Variants in FSTL4 observed in about 807,000 individuals in gnomAD.
FSTL4 encodes follistatin like 4, also known as follistatin-related protein 4.
A neutral mutation model predicts 78.2 loss-of-function variants in FSTL4; 28 were observed. The observed-to-expected ratio is 0.36, with a 90% confidence interval of 0.27 to 0.49. The LOEUF is 0.49. FSTL4 is among the 20% of genes least tolerant of loss of function. The probability of loss-of-function intolerance (pLI) is 0.98; values close to 1 mark genes in which losing one functional copy is unlikely to be tolerated. For missense variants in FSTL4, 922 were observed against 1,084.9 expected (o/e 0.85, Z 2.11); for synonymous variants, 422 against 440.5 (o/e 0.96, Z 0.53).
intron 6 of FSTL4, among the ~76,000 whole-genome samples, chr5:133,251,195 G>A (rs1422456769): frequency 1.3e-5 from 2 of 152,224 alleles, no homozygotes; most frequent in African/African-American, 4.8e-5. Context: ...TTGGAGAGGG[G>A]AAAGAGAGAG....
At chr5:133,536,038 A>G (rs1432480384) in intron 3 of FSTL4, among the ~76,000 whole-genome samples, 1 of 152,218 alleles carries the variant, frequency 6.6e-6, no homozygotes, top group African/African-American at 2.4e-5. Flanking sequence ...CACACACAGT[A>G]GATCCTCTGC....
At chr5:133,750,164 C>A in the FSTL4 span, among the ~76,000 whole-genome samples, 3 of 152,000 alleles carry the variant, frequency 2.0e-5, no homozygotes, top group Admixed American at 2.0e-4. Flanking sequence ...AAAGTGGCAC[C>A]AAGAGAGGAC....
At chr5:133,287,201 AC>A (rs1460735214) in intron 6 of FSTL4, among the ~76,000 whole-genome samples, 1 of 152,038 alleles carries the variant, frequency 6.6e-6, no homozygotes, top group Non-Finnish European at 1.5e-5. Flanking sequence ...ATCCTGGCTA[AC>A]ATGGTGAAAC....
intron 3 of FSTL4, among the ~76,000 whole-genome samples, chr5:133,552,330 TC>T (rs1759703843): frequency 2.0e-5 from 3 of 152,234 alleles, no homozygotes; most frequent in African/African-American, 7.2e-5. Flanking sequence ...CAGAACTGTA[TC>T]TAACACACTT....
At chr5:133,209,979 T>C in intron 14 of FSTL4, 1 of 464,194 alleles carries the variant, frequency 2.2e-6, no homozygotes. Flanking sequence ...TGTTGTGATG[T>C]CAGAATCCTA....
At chr5:133,739,997 A>G in the FSTL4 span, among the ~76,000 whole-genome samples, 1 of 151,968 alleles carries the variant, frequency 6.6e-6, no homozygotes, top group South Asian at 2.1e-4. Flanking sequence ...GGCTCAAGCA[A>G]TCCCACCACC....
At chr5:133,459,761 G>C (rs982705196) in intron 3 of FSTL4, among the ~76,000 whole-genome samples, 1 of 79,702 alleles carries the variant, frequency 1.3e-5, no homozygotes, top group African/African-American at 3.5e-5. Flanking sequence ...CTCAGGCTTT[G>C]GGAAGTGAAA....
the FSTL4 span, among the ~76,000 whole-genome samples, chr5:133,800,908 G>A: frequency 6.6e-6 from 1 of 152,112 alleles, no homozygotes; most frequent in African/African-American, 2.4e-5. Context: ...GGACTGCCTG[G>A]TGGTGGCAGG....
At chr5:133,787,217 C>T in the FSTL4 span, among the ~76,000 whole-genome samples, 11 of 151,522 alleles carry the variant, frequency 7.3e-5, no homozygotes, top group East Asian at 1.9e-4. Context: ...TACTAAAATA[C>T]GGTTCACTAT....
chr5:133,784,809 C>CAT, the FSTL4 span, among the ~76,000 whole-genome samples: 2 of 151,708 alleles, frequency 1.3e-5, no homozygotes, highest in African/African-American at 4.8e-5. Flanking sequence ...GCTAGATATT[C>CAT]ATATGGTCCT....
At chr5:133,519,196 A>C (rs1758924210) in intron 3 of FSTL4, among the ~76,000 whole-genome samples, 1 of 152,200 alleles carries the variant, frequency 6.6e-6, no homozygotes, top group Admixed American at 6.5e-5. Context: ...TGCTCATGGT[A>C]CTTTCCAAAG....
chr5:133,511,403 C>G (rs459934), intron 3 of FSTL4, among the ~76,000 whole-genome samples: 1 of 151,998 alleles, frequency 6.6e-6, no homozygotes, highest in Non-Finnish European at 1.5e-5. Context: ...CTGTCAACCA[C>G]GATCCTTACC....
chr5:133,360,067 A>G (rs1311758376), intron 4 of FSTL4, among the ~76,000 whole-genome samples: 1 of 152,370 alleles, frequency 6.6e-6, no homozygotes, highest in East Asian at 1.9e-4. Flanking sequence ...AAACAGCCCT[A>G]ACAGTGGACC....
the FSTL4 span, among the ~76,000 whole-genome samples, chr5:133,648,459 GTCTC>G: frequency 6.6e-6 from 1 of 152,294 alleles, no homozygotes; most frequent in Admixed American, 6.5e-5. Context: ...AGGGTAAACT[GTCTC>G]TCTCTGGGCT....
At position 133,301,711 on chromosome 5, in the gene FSTL4, G is replaced by A. The variant is rs181623717; in HGVS notation, c.727+10943C>T. On this transcript the variant is annotated intron_variant, in intron 6 of 15. Transcript: ENST00000265342. ...TTGCCCATGCCATCTGGAGAAGAAC[G>A]GCTCTCCAAGGGCATAGCTTGCAGG... Among the ~76,000 whole-genome samples the A allele has an allele frequency of 9.5e-4, 145 of 152,288 alleles. 1 individual carries two copies. The highest frequency in any genetic ancestry group is 3.3e-3 in the African/African-American group (139 of 41,558).
chr5:133,755,914 A>G, the FSTL4 span, among the ~76,000 whole-genome samples: 1 of 152,232 alleles, frequency 6.6e-6, no homozygotes, highest in Non-Finnish European at 1.5e-5. Context: ...ACTGTCATTT[A>G]TCCATTTCAC....
At chr5:133,461,162 C>T (rs1418124129) in intron 3 of FSTL4, among the ~76,000 whole-genome samples, 1 of 152,192 alleles carries the variant, frequency 6.6e-6, no homozygotes, top group African/African-American at 2.4e-5. Flanking sequence ...ACTGCTTGCA[C>T]AAATCACTTA....
At chr5:133,409,293 T>G (rs892037868) in intron 3 of FSTL4, among the ~76,000 whole-genome samples, 4 of 152,162 alleles carry the variant, frequency 2.6e-5, no homozygotes, top group African/African-American at 9.7e-5. Flanking sequence ...TGGTGACAGT[T>G]TCAAAGGCAT....
chr5:133,752,362 G>C, the FSTL4 span, among the ~76,000 whole-genome samples: 2 of 152,140 alleles, frequency 1.3e-5, no homozygotes, highest in African/African-American at 2.4e-5. Flanking sequence ...GAGCCTATAG[G>C]TTTTCCCAGT....
Sources: gnomAD v4.1 joint callset for allele counts (sites outside exome capture counted in the v4.1 genomes callset) on GRCh38, gnomAD v4.1.1 for gene constraint, MANE v1.5 for transcripts, NCBI Gene and HGNC (gene_info 2026-07-23, HGNC 2026-07-21) for gene names.